Variants in CSMD1 observed in about 807,000 individuals in gnomAD.
The protein encoded by CSMD1 is CUB and Sushi multiple domains 1, also known as CUB and sushi domain-containing protein 1.
A neutral mutation model predicts 417.5 loss-of-function variants in CSMD1; 213 were observed. The ratio of observed to expected loss-of-function variants is 0.51; its 90% CI spans 0.46 to 0.57. CSMD1 has a LOEUF of 0.57. Among genes scored for constraint, CSMD1 ranks in the 20% least tolerant of loss-of-function variants. The pLI is 0.00. For missense variants in CSMD1, 6,923 were observed against 4,529.7 expected, an observed-to-expected ratio of 1.53 and a Z score of -15.17; for synonymous variants, 2,862 against 1,736.8, an observed-to-expected ratio of 1.65 and a Z score of -16.11.
At chr8:4,826,305 A>G (rs557184433) in intron 1 of CSMD1, among the ~76,000 whole-genome samples, 2 of 152,228 alleles carry the variant, frequency 1.3e-5, no homozygotes, top group East Asian at 3.9e-4. Context: ...GTATGTGTGT[A>G]TATATGTGTG....
At chr8:3,199,122 A>G (rs1796857198) in intron 33 of CSMD1, among the ~76,000 whole-genome samples, 1 of 152,366 alleles carries the variant, frequency 6.6e-6, no homozygotes, top group South Asian at 2.1e-4. Flanking sequence ...ACTTTGCAGA[A>G]TCTTTGAGCA....
chr8:4,730,666 G>C (rs766366683), intron 1 of CSMD1, among the ~76,000 whole-genome samples: 1 of 152,076 alleles, frequency 6.6e-6, no homozygotes, highest in African/African-American at 2.4e-5. Flanking sequence ...GTGTGAACCC[G>C]GGAAGCGGAG....
chr8:4,945,765 G>A (rs192789086), intron 1 of CSMD1, among the ~76,000 whole-genome samples: 17 of 152,222 alleles, frequency 1.1e-4, no homozygotes, highest in Non-Finnish European at 7.4e-5. Context: ...TGGAGAAGAT[G>A]ATGAATACTG....
At chr8:3,126,329 C>G (rs978659557) in intron 41 of CSMD1, among the ~76,000 whole-genome samples, 2 of 152,192 alleles carry the variant, frequency 1.3e-5, no homozygotes, top group Non-Finnish European at 2.9e-5. Flanking sequence ...TTAATCAAGG[C>G]AAAGCCCTCG....
At chr8:4,175,144 A>G (rs1033699427) in intron 3 of CSMD1, among the ~76,000 whole-genome samples, 2 of 152,054 alleles carry the variant, frequency 1.3e-5, no homozygotes, top group African/African-American at 2.4e-5. Flanking sequence ...TAAGACCTCG[A>G]CCATCAAGAA....
chr8:3,616,673 A>G, intron 8 of CSMD1, 37 bp downstream of exon 8: 2 of 1,329,334 alleles, frequency 1.5e-6, no homozygotes, highest in Admixed American at 3.5e-5. Context: ...TGTCTTAAAA[A>G]TAACATGCTT....
chr8:3,599,864 A>G (rs1195982793), intron 8 of CSMD1, among the ~76,000 whole-genome samples: 1 of 152,194 alleles, frequency 6.6e-6, no homozygotes, highest in Non-Finnish European at 1.5e-5. Context: ...ATACACAAGA[A>G]AGTGTAATGG....
chr8:4,419,647 C>CTG (rs1797136447), intron 3 of CSMD1, among the ~76,000 whole-genome samples: 1 of 152,136 alleles, frequency 6.6e-6, no homozygotes, highest in Non-Finnish European at 1.5e-5. Context: ...GAACTCTTTA[C>CTG]CACGTAAGAG....
intron 49 of CSMD1, among the ~76,000 whole-genome samples, chr8:3,065,902 G>A (rs143838534): frequency 0.012 from 1,785 of 152,298 alleles, 37 homozygotes; most frequent in African/African-American, 0.04. Flanking sequence ...AGTGAAGAGC[G>A]TAGTTTCTAC....
At chr8:3,833,340 G>C (rs753238079) in intron 5 of CSMD1, among the ~76,000 whole-genome samples, 1 of 151,878 alleles carries the variant, frequency 6.6e-6, no homozygotes, top group Non-Finnish European at 1.5e-5. Context: ...CTAAGCCTCT[G>C]GGCCATTTTA....
rs538727637 is a variant in CSMD1 at position 3,537,053 on chromosome 8, G to C, written c.1344+37892C>G. Reference sequence around the variant, plus strand: ...GGAGTCTTTCTCTGTTGCCGGGCTGGAGTGCAGTGGCACTATCTCAGCTCA... The same window carrying C: ...GGAGTCTTTCTCTGTTGCCGGGCTGCAGTGCAGTGGCACTATCTCAGCTCA... On this transcript the variant is annotated intron_variant, in intron 10 of 69. Transcript: ENST00000635120. 5.9e-5 allele frequency among the ~76,000 whole-genome samples: 9 copies of C among 152,078 alleles called. 1 individual carries two copies. Among genetic ancestry groups the C allele is most frequent in the South Asian group, 2.1e-4 (1 of 4,794 alleles).
intron 7 of CSMD1, among the ~76,000 whole-genome samples, chr8:3,648,738 G>C (rs901433531): frequency 1.3e-5 from 2 of 152,136 alleles, no homozygotes; most frequent in African/African-American, 4.8e-5. Flanking sequence ...CATGGCTCAT[G>C]TCTGTGCACC....
At chr8:4,304,551 A>C (rs548972662) in intron 3 of CSMD1, among the ~76,000 whole-genome samples, 3 of 152,270 alleles carry the variant, frequency 2.0e-5, no homozygotes, top group Admixed American at 6.5e-5. Context: ...TCATCGTGAT[A>C]ATCAATTGGG....
intron 5 of CSMD1, among the ~76,000 whole-genome samples, chr8:3,763,519 T>G (rs1056945090): frequency 5.3e-5 from 8 of 152,170 alleles, no homozygotes; most frequent in Admixed American, 3.9e-4. Context: ...TACCTTCTAC[T>G]GTGAATAAAA....
intron 1 of CSMD1, among the ~76,000 whole-genome samples, chr8:4,762,908 A>G (rs1812210705): frequency 6.6e-6 from 1 of 152,196 alleles, no homozygotes; most frequent in Non-Finnish European, 1.5e-5. Context: ...CCATAGCAGC[A>G]TTGTAGGTAG....
At chr8:2,983,719 G>C (rs1473347722) in intron 54 of CSMD1, among the ~76,000 whole-genome samples, 3 of 152,180 alleles carry the variant, frequency 2.0e-5, no homozygotes, top group Non-Finnish European at 4.4e-5. Context: ...AGTTTTTAAA[G>C]AAAGTATAAG....
chr8:4,793,471 T>C (rs903816597), intron 1 of CSMD1, among the ~76,000 whole-genome samples: 11 of 151,894 alleles, frequency 7.2e-5, no homozygotes, highest in African/African-American at 2.7e-4. Context: ...CCCTCTCTCC[T>C]CCCCACCATC....
intron 19 of CSMD1, among the ~76,000 whole-genome samples, chr8:3,367,942 G>GA (rs1414265729): frequency 1.3e-5 from 2 of 152,108 alleles, no homozygotes; most frequent in African/African-American, 4.8e-5. Flanking sequence ...GTGTCCTTTA[G>GA]AAAAATCTTA....
chr8:3,995,196 T>C (rs1309624883), intron 5 of CSMD1, among the ~76,000 whole-genome samples: 1 of 152,228 alleles, frequency 6.6e-6, no homozygotes, highest in Non-Finnish European at 1.5e-5. Flanking sequence ...CAAATTATTC[T>C]GTTTTATGTT....
Sources: allele counts gnomAD v4.1 joint callset (sites outside exome capture counted in the v4.1 genomes callset), GRCh38; gene constraint gnomAD v4.1.1; transcripts MANE v1.5; gene names NCBI Gene and HGNC (gene_info 2026-07-23, HGNC 2026-07-21).